DPP6: variants seen among roughly 807,000 people sequenced by gnomAD.
DPP6 encodes the protein A-type potassium channel modulatory protein DPP6.
A neutral mutation model predicts 122.6 loss-of-function variants in DPP6; 69 were observed. The observed-to-expected ratio is 0.56, with a 90% CI of 0.46 to 0.69. The LOEUF (loss-of-function observed/expected upper bound fraction) is 0.69, where lower values mean the gene tolerates loss of function less well. Among genes scored for constraint, DPP6 ranks in the 30% least tolerant of loss-of-function variants. DPP6 has a pLI of 0.00. For synonymous variants in DPP6, 418 were observed against 433.1 expected (o/e 0.97, Z 0.43); for missense variants, 928 against 1,116.9 (o/e 0.83, Z 2.41).
At chr7:154,816,607 G>A (rs531387287) in intron 16 of DPP6, among the ~76,000 whole-genome samples, 2 of 56,426 alleles carry the variant, frequency 3.5e-5, no homozygotes, top group Non-Finnish European at 9.9e-5. Flanking sequence ...AATAATAAGT[G>A]TTAACTATCA....
Position 154,807,090 on chromosome 7 carries a change from C to T in DPP6, c.1644C>T (p.Asp548=), listed in dbSNP as rs777769564. 6.2e-7 allele frequency: 1 copy of T among 1,613,606 alleles called. No individual in the cohort carries two copies. Among genetic ancestry groups the T allele is most frequent in the South Asian group, 1.1e-5 (1 of 91,078 alleles). ...YFSASFSHSM[D]FFLLKCEGPG... is the part of the protein sequence containing the mutation. ...GCGCTTCCTTCAGCCATAGCATGGA[C>T]TTCTTCCTGCTCAAGTGCGAAGGTC... is the stretch of plus-strand genomic sequence containing the variant. Residue 548 remains aspartate (D), a synonymous_variant, in exon 16 of 26, where the codon GAC becomes GAT. Transcript: ENST00000377770.
chr7:154,463,732 A>G (rs183449057), intron 2 of DPP6, among the ~76,000 whole-genome samples: 135 of 150,430 alleles, frequency 9.0e-4, no homozygotes, highest in African/African-American at 3.2e-3. Context: ...GGCACAGGGT[A>G]TGTTTAGAAA....
chr7:153,965,391 A>T (rs1021709288), intron 1 of DPP6, among the ~76,000 whole-genome samples: 1 of 152,108 alleles, frequency 6.6e-6, no homozygotes, highest in Non-Finnish European at 1.5e-5. Context: ...AGCGCTCCTC[A>T]TGGCCACTGA....
chr7:153,886,896 T>G (rs1442638764), upstream of DPP6, among the ~76,000 whole-genome samples: 1 of 152,102 alleles, frequency 6.6e-6, no homozygotes, highest in South Asian at 2.1e-4. Flanking sequence ...AACACCCGGC[T>G]GCGGACGGCG....
chr7:154,209,138 A>C (rs2150804031), intron 1 of DPP6, among the ~76,000 whole-genome samples: 1 of 152,344 alleles, frequency 6.6e-6, no homozygotes, highest in South Asian at 2.1e-4. Context: ...GATTCACGTA[A>C]CAAAAATAGG....
the DPP6 span, among the ~76,000 whole-genome samples, chr7:153,752,892 A>T: frequency 1.3e-5 from 2 of 151,318 alleles, no homozygotes. Flanking sequence ...ATTTTTACAC[A>T]TCTGGAAAAG....
At chr7:153,906,104 A>G (rs1295657309) in intron 1 of DPP6, among the ~76,000 whole-genome samples, 1 of 152,242 alleles carries the variant, frequency 6.6e-6, no homozygotes, top group Non-Finnish European at 1.5e-5. Context: ...CTGTTTCAAG[A>G]TAGAAGAGAT....
At chr7:154,000,105 A>T (rs942543463) in intron 1 of DPP6, among the ~76,000 whole-genome samples, 4 of 151,458 alleles carry the variant, frequency 2.6e-5, no homozygotes, top group Non-Finnish European at 4.4e-5. Flanking sequence ...TGGATGAAGA[A>T]TGAATAGGTT....
chr7:153,994,161 G>A (rs991856877), intron 1 of DPP6, among the ~76,000 whole-genome samples: 3 of 151,274 alleles, frequency 2.0e-5, no homozygotes, highest in Non-Finnish European at 3.0e-5. Flanking sequence ...CAATTCATGT[G>A]TATTTCACCA....
Position 154,769,507 on chromosome 7 carries a change from T to A in DPP6, c.974T>A (p.Ile325Asn). ...GCCATCAATGATTCCCGTGTCCCCA[T>A]CATGGAGCTCCCAACTTACACCGGC... is the stretch of plus-strand genomic sequence containing the variant. ...YAAINDSRVPIMELPTYTGSI... is the reference protein window; with the variant it reads ...YAAINDSRVPNMELPTYTGSI... Residue 325 changes from isoleucine to asparagine, a missense_variant, in exon 9 of 26, where the codon ATC (isoleucine) becomes AAC (asparagine). Transcript: ENST00000377770. 1.2e-6 allele frequency: 2 copies of A among 1,613,578 alleles called. No individual in the cohort carries two copies. Among genetic ancestry groups the A allele is most frequent in the Non-Finnish European group, 1.7e-6 (2 of 1,179,716 alleles).
chr7:153,806,265 G>C, the DPP6 span, among the ~76,000 whole-genome samples: 6 of 152,026 alleles, frequency 3.9e-5, no homozygotes, highest in Admixed American at 3.9e-4. Flanking sequence ...CAGAGTCTCT[G>C]TTCCCAGCTC....
chr7:153,958,992 A>G (rs1332514721), intron 1 of DPP6, among the ~76,000 whole-genome samples: 1 of 152,160 alleles, frequency 6.6e-6, no homozygotes, highest in South Asian at 2.1e-4. Context: ...TTGAGGGGAT[A>G]CATCACTTCA....
rs143774039 is a variant in DPP6, at chr7:154,353,720, C to T, written c.244-92494C>T. ...CAAAAGACCTCCTGCACATGGAAGA[C>T]GACTCTGACACTAACACTGATTTAG... On this transcript the variant is annotated intron_variant, in intron 1 of 25. Transcript: ENST00000377770. Among the ~76,000 whole-genome samples the T allele has an allele frequency of 2.3e-4, 35 of 152,234 alleles. No homozygotes were observed. The East Asian group carries it at 6.2e-3, about 27-fold the overall frequency.
chr7:154,409,676 G>C (rs1410562270), intron 1 of DPP6, among the ~76,000 whole-genome samples: 1 of 152,118 alleles, frequency 6.6e-6, no homozygotes, highest in Non-Finnish European at 1.5e-5. Context: ...AGATGTTCCA[G>C]GTTTGTTTTG....
chr7:154,881,643 G>A (rs755987055), intron 21 of DPP6, among the ~76,000 whole-genome samples: 3 of 152,210 alleles, frequency 2.0e-5, no homozygotes, highest in African/African-American at 4.8e-5. Flanking sequence ...TGACACCCCC[G>A]CAGGTGAAGG....
chr7:154,155,355 T>C (rs1464504696), intron 1 of DPP6, among the ~76,000 whole-genome samples: 7 of 152,224 alleles, frequency 4.6e-5, no homozygotes, highest in African/African-American at 1.7e-4. Flanking sequence ...GTTATGTGGC[T>C]GAGTTCTTCA....
rs6951653 is a variant in DPP6, at chr7:154,102,830, A to G, written c.243+49767A>G. ...TGCTGTTCCTCTCTTAATGTGCATC[A>G]TGCACACTATAGTTCTCTAAAATCA... is the stretch of plus-strand genomic sequence containing the variant. On this transcript the variant is annotated intron_variant, in intron 1 of 25. Transcript: ENST00000377770. 7.8e-3 allele frequency among the ~76,000 whole-genome samples: 1,195 copies of G among 152,290 alleles called. 17 individuals are homozygous for G. Among genetic ancestry groups the G allele is most frequent in the African/African-American group, 0.027 (1,107 of 41,564 alleles).
chr7:154,464,095 T>C (rs1235768313), intron 2 of DPP6, among the ~76,000 whole-genome samples: 1 of 152,210 alleles, frequency 6.6e-6, no homozygotes, highest in African/African-American at 2.4e-5. Flanking sequence ...CAGACCACTT[T>C]AGCCCACAGT....
intron 1 of DPP6, among the ~76,000 whole-genome samples, chr7:154,355,254 A>G (rs1811180732): frequency 6.6e-6 from 1 of 152,208 alleles, no homozygotes; most frequent in South Asian, 2.1e-4. Context: ...TGAACTACAA[A>G]AGTTATTTAT....
Sources: gnomAD v4.1 joint callset for allele counts (sites outside exome capture counted in the v4.1 genomes callset) on GRCh38, gnomAD v4.1.1 for gene constraint, MANE v1.5 for transcripts, NCBI Gene and HGNC (gene_info 2026-07-23, HGNC 2026-07-21) for gene names.